Variants in LRRC1 observed in about 807,000 individuals in gnomAD.
LRRC1 encodes leucine-rich repeat-containing protein 1.
A neutral mutation model predicts 69.9 loss-of-function variants in LRRC1; 28 were observed. The ratio of observed to expected loss-of-function variants is 0.40; its 90% CI spans 0.30 to 0.55. LRRC1 has a LOEUF of 0.55. Ranked by LOEUF, LRRC1 falls within the 20% of genes least tolerant of loss-of-function variation. The probability of loss-of-function intolerance (pLI) is 0.47; values close to 1 mark genes in which losing one functional copy is unlikely to be tolerated. For missense variants in LRRC1, 498 were observed against 609.0 expected, an observed-to-expected ratio of 0.82 and a Z score of 1.92; for synonymous variants, 236 against 240.2, an observed-to-expected ratio of 0.98 and a Z score of 0.16.
At chr6:53,873,289 C>CTTTTTTT (rs57201410) in intron 2 of LRRC1, among the ~76,000 whole-genome samples, 1 of 136,808 alleles carries the variant, frequency 7.3e-6, no homozygotes. Flanking sequence ...ACCGATTTTT[C>CTTTTTTT]TTTTTTTTTT....
intron 2 of LRRC1, among the ~76,000 whole-genome samples, chr6:53,877,104 A>G (rs1028556980): frequency 6.6e-6 from 1 of 152,196 alleles, no homozygotes; most frequent in East Asian, 1.9e-4. Context: ...CCAAACCTCA[A>G]TTCTTGATTT....
In LRRC1 at chr6:53,922,916, G is replaced by A. The variant is rs1768782878; in HGVS notation, c.*123G>A. ...CCCCCGCGCGCCATCTTCCCGTGGA[G>A]TGTGGGGAAGCTGCTGTCTCCCAGG... On this transcript the variant is annotated 3_prime_UTR_variant, in exon 14 of 14. Transcript: ENST00000370888. The A allele has an allele frequency of 1.1e-6, 1 of 887,382 alleles. No individual in the cohort carries two copies. The highest frequency in any genetic ancestry group is 1.7e-6 in the Non-Finnish European group (1 of 578,474). The allele number at this position is 887,382 out of a possible 1,614,324, so 55.0% of individuals were successfully genotyped here.
At chr6:53,900,615 C>T (rs924475158) in intron 8 of LRRC1, among the ~76,000 whole-genome samples, 2 of 152,114 alleles carry the variant, frequency 1.3e-5, no homozygotes, top group Non-Finnish European at 2.9e-5. Flanking sequence ...ATTCCATGAC[C>T]TAAGGGAGGT....
At chr6:53,806,392 A>G (rs562754305) in intron 1 of LRRC1, among the ~76,000 whole-genome samples, 4 of 152,056 alleles carry the variant, frequency 2.6e-5, no homozygotes, top group Non-Finnish European at 5.9e-5. Context: ...TGAACATGAC[A>G]CCATGAAGAA....
At chr6:53,880,324 C>T (rs1767248393) in intron 3 of LRRC1, among the ~76,000 whole-genome samples, 1 of 152,006 alleles carries the variant, frequency 6.6e-6, no homozygotes, top group Non-Finnish European at 1.5e-5. Flanking sequence ...TTATCACTGT[C>T]CCTCCAACCT....
At chr6:53,843,724 A>G (rs981452179) in intron 2 of LRRC1, among the ~76,000 whole-genome samples, 2 of 152,118 alleles carry the variant, frequency 1.3e-5, no homozygotes, top group African/African-American at 2.4e-5. Flanking sequence ...ATTTGACACT[A>G]TCTTGGGGGT....
At chr6:53,868,900 A>G (rs76238011) in intron 2 of LRRC1, among the ~76,000 whole-genome samples, 51 of 152,176 alleles carry the variant, frequency 3.4e-4, no homozygotes, top group African/African-American at 1.2e-3. Flanking sequence ...GCTCTTATTT[A>G]TTTGATTCAA....
chr6:53,832,189 A>G (rs1396723489), intron 1 of LRRC1, among the ~76,000 whole-genome samples: 3 of 152,198 alleles, frequency 2.0e-5, no homozygotes, highest in African/African-American at 7.2e-5. Context: ...AGCATAACAG[A>G]TAAGGTTTAT....
chr6:53,822,143 C>T (rs897980826), intron 1 of LRRC1, among the ~76,000 whole-genome samples: 4 of 151,998 alleles, frequency 2.6e-5, no homozygotes, highest in African/African-American at 9.7e-5. Flanking sequence ...TGTCAGGTGG[C>T]TAGAAAGGAG....
At chr6:53,824,788 T>G (rs1340048239) in intron 1 of LRRC1, among the ~76,000 whole-genome samples, 1 of 152,206 alleles carries the variant, frequency 6.6e-6, no homozygotes, top group Non-Finnish European at 1.5e-5. Flanking sequence ...ACTGAGCTTG[T>G]AGAATCCTAG....
At chr6:53,879,386 A>G (rs1487703884) in intron 3 of LRRC1, among the ~76,000 whole-genome samples, 2 of 152,152 alleles carry the variant, frequency 1.3e-5, no homozygotes, top group Non-Finnish European at 2.9e-5. Context: ...TCCGGGTTCA[A>G]GTGATTCTCC....
chr6:53,809,896 C>T (rs1401974371), intron 1 of LRRC1, among the ~76,000 whole-genome samples: 2 of 152,212 alleles, frequency 1.3e-5, no homozygotes, highest in East Asian at 3.8e-4. Flanking sequence ...CAGTGCTGGG[C>T]GCTTGTATGA....
In LRRC1 at chr6:53,795,122, C is replaced by T; in HGVS notation, c.-135C>T. On this transcript the variant is annotated 5_prime_UTR_variant, in exon 1 of 14. Coordinates refer to ENST00000370888, the MANE Select transcript of LRRC1 (RefSeq NM_018214.5). ...GCACTTCCGACCGCGAAGCCCGGCG[C>T]GAGAAGCGAGCTAACCCAAGAGCCA... 3.9e-6 allele frequency: 3 copies of T among 768,646 alleles called. No individual in the cohort carries two copies. Among genetic ancestry groups the T allele is most frequent in the Admixed American group, 3.4e-5 (1 of 29,622 alleles). 47.6% of individuals were successfully genotyped at this position (768,646 alleles called of 1,614,324 possible). A position where few individuals can be genotyped will look rare whatever the true frequency, so the allele number is the denominator to read the frequency against.
chr6:53,798,425 C>T (rs748703293), intron 1 of LRRC1, among the ~76,000 whole-genome samples: 8 of 152,208 alleles, frequency 5.3e-5, no homozygotes, highest in Admixed American at 1.3e-4. Flanking sequence ...GTTGCCTAGG[C>T]TGGAGTGCAG....
chr6:53,919,470 C>CT (rs59246960), intron 11 of LRRC1, 28 bp from the exon 12 acceptor site: 347,275 of 1,177,184 alleles, frequency 0.3, 12,692 homozygotes, highest in East Asian at 0.43. Context: ...TGTGATGTCT[C>CT]TTTTTTTAAA....
intron 2 of LRRC1, among the ~76,000 whole-genome samples, chr6:53,863,113 T>C (rs1478862981): frequency 2.0e-5 from 3 of 152,356 alleles, no homozygotes; most frequent in Admixed American, 2.0e-4. Context: ...TCAGCATCTC[T>C]TTTTACATGC....
intron 2 of LRRC1, among the ~76,000 whole-genome samples, chr6:53,848,245 G>A (rs1766011127): frequency 6.6e-6 from 1 of 152,184 alleles, no homozygotes; most frequent in South Asian, 2.1e-4. Flanking sequence ...CCCATTGTGA[G>A]CCTCCTCTCT....
intron 2 of LRRC1, among the ~76,000 whole-genome samples, chr6:53,844,981 G>C (rs1411319051): frequency 6.6e-6 from 1 of 152,188 alleles, no homozygotes; most frequent in East Asian, 1.9e-4. Context: ...AAGGCGGGGG[G>C]ATCACTAGGT....
At chr6:53,874,471 G>A (rs1767001499) in intron 2 of LRRC1, among the ~76,000 whole-genome samples, 2 of 151,988 alleles carry the variant, frequency 1.3e-5, no homozygotes, top group South Asian at 4.1e-4. Flanking sequence ...ATATAAACTA[G>A]GACCATAGTG....
Sources: gnomAD v4.1 joint callset for allele counts (sites outside exome capture counted in the v4.1 genomes callset) on GRCh38, gnomAD v4.1.1 for gene constraint, MANE v1.5 for transcripts, NCBI Gene and HGNC (gene_info 2026-07-23, HGNC 2026-07-21) for gene names.